Variants in KCNH7 observed in about 807,000 individuals in gnomAD.
KCNH7 encodes the protein voltage-gated inwardly rectifying potassium channel KCNH7.
In KCNH7, 49 loss-of-function variants were observed where a neutral mutation model predicts 120.8. The observed-to-expected ratio is 0.41, with a 90% CI of 0.32 to 0.51. The LOEUF (loss-of-function observed/expected upper bound fraction) is 0.51, where lower values mean the gene tolerates loss of function less well. Ranked by LOEUF, KCNH7 falls within the 20% of genes least tolerant of loss-of-function variation. The pLI is 0.38. For missense variants in KCNH7, 1,097 were observed against 1,446.6 expected (o/e 0.76, Z 3.92); for synonymous variants, 547 against 516.1 (o/e 1.06, Z -0.81).
At chr2:162,827,723 T>C (rs1320140616) in intron 2 of KCNH7, among the ~76,000 whole-genome samples, 1 of 152,150 alleles carries the variant, frequency 6.6e-6, no homozygotes, top group Non-Finnish European at 1.5e-5. Context: ...GGCAATGTGG[T>C]AGAGTTTGCA....
chr2:162,421,591 T>G (rs2193457), intron 9 of KCNH7, among the ~76,000 whole-genome samples: 152,057 of 152,260 alleles, frequency 1, 75,927 homozygotes, highest in East Asian at 1. Flanking sequence ...ATTTACACGA[T>G]AATTAAATTG....
At chr2:162,473,106 G>C (rs1276027369) in intron 6 of KCNH7, among the ~76,000 whole-genome samples, 1 of 151,954 alleles carries the variant, frequency 6.6e-6, no homozygotes, top group African/African-American at 2.4e-5. Flanking sequence ...AGCATTAGGA[G>C]ATATACCTAA....
chr2:162,800,180 G>C (rs1386344049), intron 2 of KCNH7, among the ~76,000 whole-genome samples: 1 of 151,590 alleles, frequency 6.6e-6, no homozygotes, highest in Non-Finnish European at 1.5e-5. Flanking sequence ...CTTAAACCCG[G>C]ATAGAAAAAT....
intron 2 of KCNH7, among the ~76,000 whole-genome samples, chr2:162,758,689 A>G (rs1314120723): frequency 1.3e-5 from 2 of 152,164 alleles, no homozygotes; most frequent in Non-Finnish European, 2.9e-5. Flanking sequence ...ATAAAGCATT[A>G]CATTCTGTAT....
At chr2:162,426,585 C>T (rs147607169) in intron 8 of KCNH7, among the ~76,000 whole-genome samples, 4 of 152,188 alleles carry the variant, frequency 2.6e-5, no homozygotes, top group South Asian at 4.2e-4. Context: ...CAGCACACCA[C>T]GCCTTAATTC....
At chr2:162,440,648 T>G (rs1688389428) in intron 7 of KCNH7, among the ~76,000 whole-genome samples, 1 of 152,086 alleles carries the variant, frequency 6.6e-6, no homozygotes, top group African/African-American at 2.4e-5. Flanking sequence ...TTGTAATTTA[T>G]TTATATCAGA....
At chr2:162,457,192 T>G (rs1240033048) in intron 6 of KCNH7, among the ~76,000 whole-genome samples, 1 of 152,010 alleles carries the variant, frequency 6.6e-6, no homozygotes, top group Non-Finnish European at 1.5e-5. Flanking sequence ...AGCCAATGAC[T>G]AAAAAGGAAA....
intron 7 of KCNH7, among the ~76,000 whole-genome samples, chr2:162,439,129 T>A (rs933996353): frequency 2.0e-5 from 3 of 152,084 alleles, no homozygotes; most frequent in Non-Finnish European, 2.9e-5. Context: ...TATCCAGACA[T>A]GATGGAAATC....
At chr2:162,429,743 T>C (rs1688003683) in intron 8 of KCNH7, among the ~76,000 whole-genome samples, 1 of 150,922 alleles carries the variant, frequency 6.6e-6, no homozygotes. Flanking sequence ...TGTGCACCAG[T>C]GTATTTTATT....
intron 2 of KCNH7, among the ~76,000 whole-genome samples, chr2:162,830,801 A>G (rs1032860235): frequency 6.6e-6 from 1 of 152,150 alleles, no homozygotes; most frequent in Non-Finnish European, 1.5e-5. Flanking sequence ...CCACAGCAAC[A>G]AAGTGCCATC....
At chr2:162,664,073 G>A (rs983034515) in intron 2 of KCNH7, among the ~76,000 whole-genome samples, 1 of 152,008 alleles carries the variant, frequency 6.6e-6, no homozygotes, top group Admixed American at 6.6e-5. Context: ...CTGTTTAGTT[G>A]CCATCTTTCC....
chr2:162,507,494 G>A (rs559638132), intron 5 of KCNH7, among the ~76,000 whole-genome samples: 167 of 151,544 alleles, frequency 1.1e-3, no homozygotes, highest in African/African-American at 3.9e-3. Flanking sequence ...AAAACTCCCT[G>A]GAGATCTGCC....
chr2:162,482,232 A>T (rs1689953498), intron 6 of KCNH7, among the ~76,000 whole-genome samples: 1 of 152,228 alleles, frequency 6.6e-6, no homozygotes, highest in African/African-American at 2.4e-5. Context: ...TATAGAGAAG[A>T]GGATGGCAAT....
intron 6 of KCNH7, among the ~76,000 whole-genome samples, chr2:162,469,619 G>T (rs927110727): frequency 6.6e-6 from 1 of 152,108 alleles, no homozygotes; most frequent in Admixed American, 6.5e-5. Context: ...TGGTCCTCGA[G>T]CCTTTTTTAT....
intron 2 of KCNH7, among the ~76,000 whole-genome samples, chr2:162,719,929 A>G (rs1435352509): frequency 4.6e-5 from 7 of 152,076 alleles, no homozygotes; most frequent in Non-Finnish European, 1.0e-4. Flanking sequence ...GTTTAATCAT[A>G]TTTAAAATAC....
chr2:162,576,296 C>T (rs1246799109), intron 2 of KCNH7, among the ~76,000 whole-genome samples: 4 of 152,016 alleles, frequency 2.6e-5, no homozygotes, highest in Non-Finnish European at 1.5e-5. Flanking sequence ...AATTGCAGCT[C>T]TCTTAACTTC....
At chr2:162,475,884 G>A (rs1689721889) in intron 6 of KCNH7, among the ~76,000 whole-genome samples, 1 of 152,152 alleles carries the variant, frequency 6.6e-6, no homozygotes, top group Non-Finnish European at 1.5e-5. Context: ...ATTTCCCATG[G>A]GGGACAAAGA....
At chr2:162,418,683 G>T (rs1302729736) in intron 9 of KCNH7, among the ~76,000 whole-genome samples, 1 of 152,112 alleles carries the variant, frequency 6.6e-6, no homozygotes, top group Non-Finnish European at 1.5e-5. Context: ...TAGACTGTAG[G>T]TGCAGAGATA....
chr2:162,775,901 C>T (rs1683217457), intron 2 of KCNH7, among the ~76,000 whole-genome samples: 1 of 152,190 alleles, frequency 6.6e-6, no homozygotes, highest in South Asian at 2.1e-4. Flanking sequence ...TGCCTTGGCT[C>T]TGCTCTTTAC....
Sources: gnomAD v4.1 joint callset for allele counts (sites outside exome capture counted in the v4.1 genomes callset) on GRCh38, gnomAD v4.1.1 for gene constraint, MANE v1.5 for transcripts, NCBI Gene and HGNC (gene_info 2026-07-23, HGNC 2026-07-21) for gene names.